Variants in XPO6 observed in about 807,000 individuals in gnomAD.
XPO6 encodes the protein exportin-6.
In XPO6, 3 loss-of-function variants were observed where a neutral mutation model predicts 130.0. The ratio of observed to expected loss-of-function variants is 0.02; its 90% CI spans 0.01 to 0.06. The LOEUF (loss-of-function observed/expected upper bound fraction) is 0.06, where lower values mean the gene tolerates loss of function less well. Among genes scored for constraint, XPO6 ranks in the 10% least tolerant of loss-of-function variants. XPO6 has a pLI of 1.00. For synonymous variants in XPO6, 524 were observed against 548.9 expected, an observed-to-expected ratio of 0.95 and a Z score of 0.63; for missense variants, 970 against 1,393.0, an observed-to-expected ratio of 0.70 and a Z score of 4.83.
chr16:28,210,335 T>C (rs2044106292), intron 1 of XPO6, among the ~76,000 whole-genome samples: 1 of 152,166 alleles, frequency 6.6e-6, no homozygotes, highest in Non-Finnish European at 1.5e-5. Flanking sequence ...CCTTTCTCTA[T>C]TATACCACTA....
chr16:28,203,180 T>G (rs2043977731), intron 1 of XPO6, among the ~76,000 whole-genome samples: 1 of 150,162 alleles, frequency 6.7e-6, no homozygotes, highest in Admixed American at 6.7e-5. Flanking sequence ...GAGGCTGAGG[T>G]GGGAGGATCG....
At chr16:28,192,415 G>C (rs2043802056) in intron 1 of XPO6, among the ~76,000 whole-genome samples, 1 of 152,116 alleles carries the variant, frequency 6.6e-6, no homozygotes, top group African/African-American at 2.4e-5. Flanking sequence ...GCAAACCAAA[G>C]TCTACCATCC....
In XPO6 at chr16:28,133,905, C is replaced by T. The variant is rs758546277; in HGVS notation, c.1472G>A (p.Arg491Gln). ...TTTGGCCACCACCTCCAAGCTCTGC[C>T]GTAAGTACCGCTGCCACTCCGTCTG... ...DQQTEWQRYL[R>Q]QSLEVVAKVM... Residue 491 changes from arginine to glutamine, a missense_variant, in exon 11 of 24, where the codon CGG (arginine) becomes CAG (glutamine). By Grantham distance (43) the Arg-to-Gln change is conservative. Transcript: ENST00000304658. The T allele has an allele frequency of 2.2e-5, 35 of 1,613,932 alleles. No homozygotes were observed. The highest frequency in any genetic ancestry group is 2.6e-5 in the Non-Finnish European group (31 of 1,180,018).
intron 14 of XPO6, among the ~76,000 whole-genome samples, chr16:28,119,310 T>TG (rs1333883887): frequency 6.6e-6 from 1 of 152,026 alleles, no homozygotes; most frequent in African/African-American, 2.4e-5. Context: ...TGAGCCAGTG[T>TG]GTCCAGCCTA....
intron 7 of XPO6, among the ~76,000 whole-genome samples, chr16:28,154,983 A>T (rs1422273425): frequency 6.6e-6 from 1 of 152,212 alleles, no homozygotes; most frequent in Non-Finnish European, 1.5e-5. Flanking sequence ...ATATTACCAT[A>T]TCAGATTGTG....
chr16:28,207,503 T>C (rs2044052104), intron 1 of XPO6, among the ~76,000 whole-genome samples: 1 of 152,222 alleles, frequency 6.6e-6, no homozygotes, highest in African/African-American at 2.4e-5. Context: ...TATAGTATGC[T>C]AGCTCTTCCT....
intron 15 of XPO6, among the ~76,000 whole-genome samples, chr16:28,116,158 T>A (rs1398704226): frequency 1.3e-5 from 2 of 152,242 alleles, no homozygotes; most frequent in Non-Finnish European, 2.9e-5. Flanking sequence ...ACTTGGCTGT[T>A]TGGCTCAAGA....
chr16:28,144,245 C>A lies in XPO6; in HGVS notation c.1334+1849G>T, dbSNP rs371764880. Among the ~76,000 whole-genome samples, 84 of 152,338 alleles carry A rather than the reference C, an allele frequency of 5.5e-4. No homozygotes were observed. In the South Asian group the frequency reaches 0.017, roughly 31 times the overall value. On this transcript the variant is annotated intron_variant, in intron 9 of 23. Coordinates refer to ENST00000304658, the MANE Select transcript of XPO6 (RefSeq NM_015171.4). ...ACCTATAATCACACATGTGACCTGA[C>A]ACCATAGCAACCTGGAACTTATTCC...
chr16:28,114,217 A>C (rs528195146), intron 15 of XPO6, among the ~76,000 whole-genome samples: 18 of 150,718 alleles, frequency 1.2e-4, no homozygotes, highest in African/African-American at 3.4e-4. Context: ...AAAAAAAAAA[A>C]CCACTGGACA....
At chr16:28,173,183 T>C (rs2043481967) in intron 4 of XPO6, 1 of 152,208 alleles carries the variant, frequency 6.6e-6, no homozygotes, top group Non-Finnish European at 1.5e-5. Context: ...TGAATTGTGA[T>C]ATCCAAGGAG....
chr16:28,169,805 C>T lies in XPO6; in HGVS notation c.510G>A (p.Glu170=), dbSNP rs2043420298. The T allele has an allele frequency of 6.2e-7, 1 of 1,614,042 alleles. No individual in the cohort carries two copies. Among genetic ancestry groups the T allele is most frequent in the East Asian group, 2.2e-5 (1 of 44,880 alleles). ...PREDLSVARK[E]ELRKLLLDQV... ...GGTCCAGTAGCAGCTTCCGCAACTCCTCCTTCCGAGCCACACTGAGGTCCT... is the reference window on the plus strand; with the variant it reads ...GGTCCAGTAGCAGCTTCCGCAACTCTTCCTTCCGAGCCACACTGAGGTCCT... Residue 170 remains glutamate, a synonymous_variant, in exon 5 of 24, where the codon GAG becomes GAA. Coordinates refer to ENST00000304658, the MANE Select transcript of XPO6 (RefSeq NM_015171.4).
intron 21 of XPO6, among the ~76,000 whole-genome samples, chr16:28,102,231 C>T (rs535351431): frequency 6.6e-6 from 1 of 152,208 alleles, no homozygotes; most frequent in African/African-American, 2.4e-5. Context: ...TAGTCAAATC[C>T]CTCAGCAATC....
intron 1 of XPO6, among the ~76,000 whole-genome samples, chr16:28,186,417 G>A: frequency 1.0e-5 from 1 of 98,402 alleles, no homozygotes; most frequent in Non-Finnish European, 1.8e-5. Flanking sequence ...TCTGTTGCCA[G>A]GCTAGAGTTC....
intron 7 of XPO6, chr16:28,153,424 A>G: frequency 1.0e-6 from 1 of 984,850 alleles, no homozygotes; most frequent in Non-Finnish European, 1.2e-6. Context: ...AGAGAGGTAA[A>G]GTGACCAGCC....
intron 8 of XPO6, among the ~76,000 whole-genome samples, chr16:28,149,121 C>A (rs548220308): frequency 3.3e-5 from 5 of 151,278 alleles, no homozygotes; most frequent in African/African-American, 9.7e-5. Context: ...GCCCTCCCCC[C>A]CAGGGTATAC....
Position 28,111,803 on chromosome 16 carries a change from T to C in XPO6, c.2341+14A>G, listed in dbSNP as rs1211843399. 4.3e-6 allele frequency: 7 copies of C among 1,613,304 alleles called. No homozygotes were observed. In the African/African-American group the frequency reaches 6.7e-5, roughly 15 times the overall value. The stretch of plus-strand genomic sequence containing the variant: ...ACCTCCTTCCCCAGCTGTCCTAGCC[T>C]AGGGGTCACTTACTGTCATCCAGTG... On this transcript the variant is annotated intron_variant, in intron 17 of 23. Coordinates refer to ENST00000304658, the MANE Select transcript of XPO6 (RefSeq NM_015171.4).
chr16:28,211,235 G>T, intron 1 of XPO6, 131 bp downstream of exon 1: 1 of 957,122 alleles, frequency 1.0e-6, no homozygotes, highest in Non-Finnish European at 1.4e-6. Context: ...GCACGCATGT[G>T]TCACCGGCCA....
At chr16:28,116,705 A>G (rs998072834) in intron 15 of XPO6, among the ~76,000 whole-genome samples, 2 of 152,222 alleles carry the variant, frequency 1.3e-5, no homozygotes, top group African/African-American at 4.8e-5. Context: ...CAGAACACAC[A>G]CATTTATCAA....
chr16:28,116,904 C>T (rs78135571), intron 15 of XPO6: 2,056 of 166,394 alleles, frequency 0.012, 27 homozygotes, highest in African/African-American at 0.038. Flanking sequence ...TTGCTTGATG[C>T]AGGGTTGCCA....
Sources: gnomAD v4.1 joint callset for allele counts (sites outside exome capture counted in the v4.1 genomes callset) on GRCh38, gnomAD v4.1.1 for gene constraint, MANE v1.5 for transcripts, NCBI Gene and HGNC (gene_info 2026-07-23, HGNC 2026-07-21) for gene names.